The following ASTN1 variants were observed in gnomAD, a reference collection of about 807,000 sequenced individuals.
ASTN1 encodes astrotactin-1.
In ASTN1, 41 loss-of-function variants were observed where a neutral mutation model predicts 140.7. The ratio of observed to expected loss-of-function variants is 0.29; its 90% CI spans 0.23 to 0.38. The LOEUF (loss-of-function observed/expected upper bound fraction) is 0.38, where lower values mean the gene tolerates loss of function less well. Among genes scored for constraint, ASTN1 ranks in the 10% least tolerant of loss-of-function variants. The probability of loss-of-function intolerance (pLI) is 1.00; values close to 1 mark genes in which losing one functional copy is unlikely to be tolerated. For missense variants in ASTN1, 1,479 were observed against 1,678.8 expected, an observed-to-expected ratio of 0.88 and a Z score of 2.08; for synonymous variants, 640 against 652.2, an observed-to-expected ratio of 0.98 and a Z score of 0.29.
At chr1:177,067,296 C>T (rs543001098) in intron 1 of ASTN1, among the ~76,000 whole-genome samples, 57 of 152,206 alleles carry the variant, frequency 3.7e-4, no homozygotes, top group African/African-American at 1.3e-3. Flanking sequence ...CTAGCTACAC[C>T]TCCACCCTCT....
intron 17 of ASTN1, among the ~76,000 whole-genome samples, chr1:176,889,371 C>G (rs1466438874): frequency 6.6e-6 from 1 of 152,176 alleles, no homozygotes; most frequent in Non-Finnish European, 1.5e-5. Context: ...TCTTATGATT[C>G]TCTTCTCTTT....
At chr1:176,924,672 GCAAT>G (rs1426289895) in intron 16 of ASTN1, among the ~76,000 whole-genome samples, 1 of 152,162 alleles carries the variant, frequency 6.6e-6, no homozygotes, top group Admixed American at 6.5e-5. Context: ...ATCCCAGGAA[GCAAT>G]CAATCAAGTT....
Position 176,944,026 on chromosome 1 carries a change from G to T in ASTN1, c.2250-8C>A, listed in dbSNP as rs762727212. ...CGAGCAAAGTTGTTTTGCCTAGAAAGAGGGTAGACCTTCATTTCTGAGTGT... is the reference window on the plus strand; with the variant it reads ...CGAGCAAAGTTGTTTTGCCTAGAAATAGGGTAGACCTTCATTTCTGAGTGT... On this transcript the variant is annotated splice_region_variant and splice_polypyrimidine_tract_variant and intron_variant, in intron 13 of 22. Coordinates refer to ENST00000361833, the MANE Select transcript of ASTN1 (RefSeq NM_004319.3). 1.2e-6 allele frequency: 2 copies of T among 1,613,480 alleles called. No individual in the cohort carries two copies. The highest frequency in any genetic ancestry group is 1.3e-5 in the African/African-American group (1 of 75,020).
intron 4 of ASTN1, 25 bp from the exon 5 acceptor site, chr1:177,029,766 G>A: frequency 6.3e-7 from 1 of 1,591,816 alleles, no homozygotes; most frequent in Non-Finnish European, 8.6e-7. Flanking sequence ...GCATGGTCAA[G>A]AAAGCGTTTT....
chr1:176,906,582 C>T (rs1054098661), intron 16 of ASTN1, among the ~76,000 whole-genome samples: 1 of 152,008 alleles, frequency 6.6e-6, no homozygotes, highest in Non-Finnish European at 1.5e-5. Context: ...CGATGGGCCT[C>T]GTGGTTCATG....
At chr1:176,901,588 AGGCAGTGGCTGT>A (rs1248538203) in intron 16 of ASTN1, among the ~76,000 whole-genome samples, 1 of 152,150 alleles carries the variant, frequency 6.6e-6, no homozygotes, top group Non-Finnish European at 1.5e-5. Context: ...CCAGCAAAAA[AGGCAGTGGCTGT>A]GGTAGCAAGA....
intron 22 of ASTN1, among the ~76,000 whole-genome samples, chr1:176,865,216 G>T (rs1668089765): frequency 6.6e-6 from 1 of 152,190 alleles, no homozygotes; most frequent in Admixed American, 6.5e-5. Context: ...AAACAGAGAA[G>T]GTGATGAAGG....
chr1:176,996,227 A>G (rs1358296434), intron 8 of ASTN1, among the ~76,000 whole-genome samples: 1 of 151,612 alleles, frequency 6.6e-6, no homozygotes, highest in Non-Finnish European at 1.5e-5. Flanking sequence ...CCAGTTCCCA[A>G]GGTAAATGGC....
intron 17 of ASTN1, among the ~76,000 whole-genome samples, chr1:176,893,348 A>G (rs79486059): frequency 1.3e-3 from 200 of 152,186 alleles, no homozygotes; most frequent in Non-Finnish European, 2.5e-3. Flanking sequence ...CTCTATGGTG[A>G]CCCAAGCCCT....
intron 10 of ASTN1, 96 bp downstream of exon 10, chr1:176,958,249 T>C: frequency 6.3e-7 from 1 of 1,576,060 alleles, no homozygotes; most frequent in South Asian, 1.2e-5. Flanking sequence ...CCTTTTAGCT[T>C]GTTGGGACTC....
chr1:177,127,352 G>T (rs976404657), intron 1 of ASTN1, among the ~76,000 whole-genome samples: 2 of 152,038 alleles, frequency 1.3e-5, no homozygotes, highest in Admixed American at 1.3e-4. Flanking sequence ...AAGACCCCAC[G>T]GTTAATGCTT....
In ASTN1 at chr1:176,864,051, A is replaced by C; in HGVS notation, c.*233T>G. ...AGCAAACCCCAAAGTAATCCTCTAA[A>C]GAAATATGGCACTGCATGAAGCCAC... is the stretch of plus-strand genomic sequence containing the variant. On this transcript the variant is annotated 3_prime_UTR_variant, in exon 23 of 23. Coordinates refer to ENST00000361833, the MANE Select transcript of ASTN1 (RefSeq NM_004319.3). 1 of 1,345,176 alleles carries C rather than the reference A, an allele frequency of 7.4e-7. No homozygotes were observed. The highest frequency in any genetic ancestry group is 9.5e-7 in the Non-Finnish European group (1 of 1,048,896). 83.3% of individuals were successfully genotyped at this position (1,345,176 alleles called of 1,614,324 possible). A position where few individuals can be genotyped will look rare whatever the true frequency, so the allele number is the denominator to read the frequency against.
chr1:176,900,893 G>A (rs1669737828), intron 16 of ASTN1, among the ~76,000 whole-genome samples: 1 of 152,156 alleles, frequency 6.6e-6, no homozygotes, highest in African/African-American at 2.4e-5. Context: ...ATTATGCCTT[G>A]TTCTCCACTA....
At chr1:176,946,351 A>T (rs1300602500) in intron 12 of ASTN1, among the ~76,000 whole-genome samples, 1 of 152,182 alleles carries the variant, frequency 6.6e-6, no homozygotes, top group Non-Finnish European at 1.5e-5. Flanking sequence ...CTGTGCAGAG[A>T]AGTGCTGTCA....
chr1:177,104,737 G>A (rs1248446482), intron 1 of ASTN1, among the ~76,000 whole-genome samples: 1 of 152,186 alleles, frequency 6.6e-6, no homozygotes, highest in Admixed American at 6.5e-5. Flanking sequence ...ATGAATGCTA[G>A]TCCAAAAAAG....
chr1:177,164,686 C>T lies in ASTN1; in HGVS notation c.-10G>A. The T allele has an allele frequency of 6.5e-7, 1 of 1,546,086 alleles. No homozygotes were observed. Among genetic ancestry groups the T allele is most frequent in the African/African-American group, 1.4e-5 (1 of 72,698 alleles). ...GCCCGGCTAAAGCCATCTTGAGCCC[C>T]GGCCGCCTTCCTCCTAGCGCTGCGA... On this transcript the variant is annotated 5_prime_UTR_variant, in exon 1 of 23. Transcript: ENST00000361833.
intron 2 of ASTN1, among the ~76,000 whole-genome samples, chr1:177,051,452 T>A (rs1677539308): frequency 6.6e-6 from 1 of 152,224 alleles, no homozygotes. Context: ...TGGCAAGAGA[T>A]GAATAGTTGA....
Position 177,148,244 on chromosome 1 carries a change from C to T in ASTN1, c.283+16150G>A, listed in dbSNP as rs187364702. 9.6e-3 allele frequency among the ~76,000 whole-genome samples: 1,454 copies of T among 151,984 alleles called. 18 individuals are homozygous for T. Among genetic ancestry groups the T allele is most frequent in the African/African-American group, 0.03 (1,263 of 41,452 alleles). ...CCATCCTGGCTAACACGGTGAAACC[C>T]GGTCTCTACAAAAAATACAAAAAAT... is the stretch of plus-strand genomic sequence containing the variant. On this transcript the variant is annotated intron_variant, in intron 1 of 22. Transcript: ENST00000361833.
At chr1:177,024,333 G>A (rs142113695) in intron 6 of ASTN1, among the ~76,000 whole-genome samples, 17 of 152,260 alleles carry the variant, frequency 1.1e-4, no homozygotes, top group Admixed American at 6.5e-4. Flanking sequence ...AGACAGAGAC[G>A]TATTAAAAAC....
Sources: allele counts gnomAD v4.1 joint callset (sites outside exome capture counted in the v4.1 genomes callset), GRCh38; gene constraint gnomAD v4.1.1; transcripts MANE v1.5; gene names NCBI Gene and HGNC (gene_info 2026-07-23, HGNC 2026-07-21).